TTC6: variants seen among roughly 807,000 people sequenced by gnomAD.
The protein encoded by TTC6 is tetratricopeptide repeat protein 6.
A neutral mutation model predicts 210.4 loss-of-function variants in TTC6; 172 were observed. The observed-to-expected ratio is 0.82, with a 90% CI of 0.72 to 0.93. The LOEUF (loss-of-function observed/expected upper bound fraction) is 0.93. Ranked by LOEUF, TTC6 falls within the 40% of genes least tolerant of loss-of-function variation. The pLI is 0.00. For synonymous variants in TTC6, 804 were observed against 819.6 expected, an observed-to-expected ratio of 0.98 and a Z score of 0.32; for missense variants, 2,414 against 2,318.1, an observed-to-expected ratio of 1.04 and a Z score of -0.85.
chr14:37,674,809 A>G (rs562629024), intron 1 of TTC6, among the ~76,000 whole-genome samples: 54 of 152,220 alleles, frequency 3.5e-4, no homozygotes, highest in African/African-American at 1.3e-3. Flanking sequence ...TTGCTATTAA[A>G]CTTTAGATCG....
At chr14:37,789,427 G>T (rs2096074420) in intron 15 of TTC6, among the ~76,000 whole-genome samples, 1 of 151,678 alleles carries the variant, frequency 6.6e-6, no homozygotes, top group Admixed American at 6.6e-5. Flanking sequence ...TGAGCAGTTA[G>T]ATTTTCTTCA....
At chr14:37,733,903 TTC>T (rs1462738859) in intron 7 of TTC6, among the ~76,000 whole-genome samples, 1 of 152,160 alleles carries the variant, frequency 6.6e-6, no homozygotes, top group Non-Finnish European at 1.5e-5. Flanking sequence ...GGTCCACGAA[TTC>T]TCTCTTTAGT....
In TTC6 at chr14:37,749,575, G is replaced by A. The variant is rs895543436; in HGVS notation, c.2827-139G>A. Reference sequence around the variant, plus strand: ...AATTAATATTAAAAACATGATTTTTGTTTGTCAGATTGGGAGGTTTTATTT... The same window carrying A: ...AATTAATATTAAAAACATGATTTTTATTTGTCAGATTGGGAGGTTTTATTT... On this transcript the variant is annotated intron_variant, in intron 11 of 30. Transcript: ENST00000553443. 6 of 1,031,030 alleles carry A rather than the reference G, an allele frequency of 5.8e-6. No homozygotes were observed. The South Asian group carries it at 1.0e-4, about 18-fold the overall frequency. The allele number at this position is 1,031,030 out of a possible 1,614,324, so 63.9% of individuals were successfully genotyped here. A position where few individuals can be genotyped will look rare whatever the true frequency, so the allele number is the denominator to read the frequency against.
intron 7 of TTC6, among the ~76,000 whole-genome samples, chr14:37,731,766 A>T (rs551022501): frequency 1.6e-4 from 25 of 152,174 alleles, no homozygotes; most frequent in Non-Finnish European, 3.4e-4. Flanking sequence ...TTGTTCCCTT[A>T]CACATAACCT....
intron 5 of TTC6, among the ~76,000 whole-genome samples, chr14:37,707,575 A>C (rs2095837855): frequency 6.6e-6 from 1 of 152,082 alleles, no homozygotes. Flanking sequence ...TCAGTCTCTT[A>C]AGACAATCGC....
In TTC6 at chr14:37,606,649, A is replaced by C. The variant is rs906408258; in HGVS notation, c.-234-14A>C. 1.1e-5 allele frequency: 10 copies of C among 896,196 alleles called. No individual in the cohort carries two copies. The highest frequency in any genetic ancestry group is 1.1e-5 in the Non-Finnish European group (8 of 748,966). The allele number at this position is 896,196 out of a possible 1,614,324, so 55.5% of individuals were successfully genotyped here. On this transcript the variant is annotated splice_polypyrimidine_tract_variant and intron_variant, in intron 1 of 2. Coordinates refer to the TTC6 transcript ENST00000556845. ...TAGTTCCCTTTAATCCCACCTTCAA[A>C]TTTTTTTCCCTAGGAAAACCCTTTC... is the stretch of plus-strand genomic sequence containing the variant.
chr14:37,700,415 T>C (rs1374208851), intron 4 of TTC6, among the ~76,000 whole-genome samples: 1 of 152,164 alleles, frequency 6.6e-6, no homozygotes, highest in African/African-American at 2.4e-5. Flanking sequence ...TAATTATTTG[T>C]TGATTGGATT....
chr14:37,657,969 T>G (rs193154754), intron 1 of TTC6, among the ~76,000 whole-genome samples: 1 of 152,334 alleles, frequency 6.6e-6, no homozygotes, highest in Admixed American at 6.5e-5. Flanking sequence ...GGTACTTTTT[T>G]ATTATTTGTC....
chr14:37,636,219 CAGA>C (rs1251750103), intron 1 of TTC6, among the ~76,000 whole-genome samples: 1 of 152,094 alleles, frequency 6.6e-6, no homozygotes, highest in African/African-American at 2.4e-5. Context: ...AAAAACTAGA[CAGA>C]AGATCTCTAA....
At chr14:37,662,527 T>A (rs1345968569) in intron 1 of TTC6, among the ~76,000 whole-genome samples, 2 of 152,052 alleles carry the variant, frequency 1.3e-5, no homozygotes, top group Non-Finnish European at 2.9e-5. Context: ...CTTCTAGGGT[T>A]TTTATAGTTT....
chr14:37,679,090 A>G (rs1056045995), intron 1 of TTC6, among the ~76,000 whole-genome samples: 4 of 152,046 alleles, frequency 2.6e-5, no homozygotes, highest in Non-Finnish European at 4.4e-5. Context: ...GCGTTGTGGT[A>G]TGCACTTTGT....
intron 7 of TTC6, among the ~76,000 whole-genome samples, chr14:37,734,545 T>C (rs2095896363): frequency 6.6e-6 from 1 of 152,242 alleles, no homozygotes; most frequent in Non-Finnish European, 1.5e-5. Flanking sequence ...TTTCAAATTA[T>C]ATGTAGCTCT....
In TTC6 at chr14:37,796,771, T is replaced by G. The variant is rs764817082; in HGVS notation, c.3869-16T>G. 6.3e-7 allele frequency: 1 copy of G among 1,589,082 alleles called. No individual in the cohort carries two copies. On this transcript the variant is annotated splice_polypyrimidine_tract_variant and intron_variant, in intron 19 of 30. Coordinates refer to ENST00000553443, the Ensembl canonical transcript of TTC6. The stretch of plus-strand genomic sequence containing the variant: ...ATACTTGGCAAAGATATTGATAAAC[T>G]TTCCTTCCCTTTTAGGTCTCAGTGA...
intron 24 of TTC6, among the ~76,000 whole-genome samples, chr14:37,811,287 G>GT (rs1244535442): frequency 2.0e-5 from 3 of 152,056 alleles, no homozygotes; most frequent in African/African-American, 7.2e-5. Context: ...TCTAGGTTTG[G>GT]TTTTTTCTTT....
intron 24 of TTC6, among the ~76,000 whole-genome samples, chr14:37,811,288 T>A (rs2096129006): frequency 6.6e-6 from 1 of 152,172 alleles, no homozygotes; most frequent in South Asian, 2.1e-4. Context: ...CTAGGTTTGG[T>A]TTTTTCTTTT....
intron 1 of TTC6, among the ~76,000 whole-genome samples, chr14:37,623,941 A>G (rs537552382): frequency 6.6e-6 from 1 of 152,254 alleles, no homozygotes; most frequent in Non-Finnish European, 1.5e-5. Context: ...GAAAGAAAGA[A>G]AGAAAAAATA....
At chr14:37,721,620 G>T (rs1364563885) in intron 6 of TTC6, among the ~76,000 whole-genome samples, 3 of 151,674 alleles carry the variant, frequency 2.0e-5, no homozygotes, top group African/African-American at 7.3e-5. Flanking sequence ...AAATGAAAAT[G>T]GAGGCTAGTT....
intron 1 of TTC6, among the ~76,000 whole-genome samples, chr14:37,675,843 C>T (rs1175614099): frequency 6.6e-6 from 1 of 150,758 alleles, no homozygotes; most frequent in African/African-American, 2.4e-5. Flanking sequence ...TGTTGGTCAT[C>T]TTTTCATGTG....
chr14:37,631,812 T>C (rs945910860), intron 1 of TTC6, among the ~76,000 whole-genome samples: 27 of 152,176 alleles, frequency 1.8e-4, no homozygotes, highest in Admixed American at 1.8e-3. Context: ...TGTTCATTCC[T>C]TTTCATTCTT....
Sources: gnomAD v4.1 joint callset for allele counts (sites outside exome capture counted in the v4.1 genomes callset) on GRCh38, gnomAD v4.1.1 for gene constraint, MANE v1.5 for transcripts, NCBI Gene and HGNC (gene_info 2026-07-23, HGNC 2026-07-21) for gene names.